Variants in LRRC69 observed in about 807,000 individuals in gnomAD.
The protein encoded by LRRC69 is leucine rich repeat containing 69, also known as leucine-rich repeat-containing protein 69.
A neutral mutation model predicts 37.8 loss-of-function variants in LRRC69; 42 were observed. That is an observed-to-expected ratio of 1.11 (90% CI 0.87 to 1.44). The LOEUF is 1.44. LRRC69 is among the 40% of genes most tolerant of loss of function. The probability of loss-of-function intolerance (pLI) is 0.00; values close to 1 mark genes in which losing one functional copy is unlikely to be tolerated. For missense variants in LRRC69, 357 were observed against 401.9 expected (o/e 0.89, Z 0.96); for synonymous variants, 141 against 143.1 (o/e 0.99, Z 0.11).
intron 5 of LRRC69, among the ~76,000 whole-genome samples, chr8:91,167,760 T>C (rs1269475267): frequency 6.6e-6 from 1 of 151,938 alleles, no homozygotes; most frequent in Non-Finnish European, 1.5e-5. Context: ...CTGGCTCTTC[T>C]GTGTTGGTGC....
intron 7 of LRRC69, among the ~76,000 whole-genome samples, chr8:91,207,193 C>G (rs1411172319): frequency 6.6e-6 from 1 of 152,182 alleles, no homozygotes; most frequent in Non-Finnish European, 1.5e-5. Flanking sequence ...ATGTCCAGCC[C>G]TACCACTTGC....
At chr8:91,180,647 A>G (rs986638069) in intron 5 of LRRC69, among the ~76,000 whole-genome samples, 6 of 152,166 alleles carry the variant, frequency 3.9e-5, no homozygotes, top group African/African-American at 1.2e-4. Flanking sequence ...GTACTCTATC[A>G]TTATTTTCTT....
At chr8:91,161,846 C>G (rs2130566226) in intron 5 of LRRC69, among the ~76,000 whole-genome samples, 1 of 151,210 alleles carries the variant, frequency 6.6e-6, no homozygotes, top group African/African-American at 2.4e-5. Flanking sequence ...GGTGCATTGT[C>G]AGATTGTTTA....
At chr8:91,209,427 AAC>A (rs1214087015) in intron 7 of LRRC69, 1 of 141,042 alleles carries the variant, frequency 7.1e-6, no homozygotes, top group Non-Finnish European at 1.5e-5. Context: ...ACAAGAGTGA[AAC>A]TATGTCTCAA....
intron 5 of LRRC69, among the ~76,000 whole-genome samples, chr8:91,179,839 T>G (rs1316200062): frequency 6.6e-6 from 1 of 152,168 alleles, no homozygotes; most frequent in Non-Finnish European, 1.5e-5. Flanking sequence ...CATGGTCTTG[T>G]AAAAAGTTAC....
intron 1 of LRRC69, among the ~76,000 whole-genome samples, chr8:91,116,062 T>C (rs1813505532): frequency 6.6e-6 from 1 of 151,986 alleles, no homozygotes; most frequent in Admixed American, 6.6e-5. Context: ...TTTGAAAAAA[T>C]GAGTTAGAAA....
At chr8:91,183,976 AG>A (rs1809364793) in intron 5 of LRRC69, among the ~76,000 whole-genome samples, 1 of 152,098 alleles carries the variant, frequency 6.6e-6, no homozygotes, top group African/African-American at 2.4e-5. Flanking sequence ...AACATAGAAA[AG>A]GGTTTCTTAA....
intron 1 of LRRC69, among the ~76,000 whole-genome samples, chr8:91,103,110 T>G (rs1309191070): frequency 6.6e-6 from 1 of 152,152 alleles, no homozygotes; most frequent in Non-Finnish European, 1.5e-5. Context: ...CACACTCATC[T>G]TTTTAGAGGC....
At chr8:91,145,612 T>C (rs567598766) in intron 5 of LRRC69, among the ~76,000 whole-genome samples, 5 of 151,960 alleles carry the variant, frequency 3.3e-5, no homozygotes, top group African/African-American at 1.2e-4. Flanking sequence ...TAAAACAACA[T>C]TCACTGACCT....
chr8:91,145,993 G>A (rs889424214), intron 5 of LRRC69, among the ~76,000 whole-genome samples: 1 of 151,552 alleles, frequency 6.6e-6, no homozygotes, highest in Non-Finnish European at 1.5e-5. Flanking sequence ...ATTAAGTTAG[G>A]GAATACAACT....
intron 5 of LRRC69, among the ~76,000 whole-genome samples, chr8:91,152,206 G>C (rs4329236): frequency 0.67 from 102,100 of 151,318 alleles, 34,919 homozygotes; most frequent in Middle Eastern, 0.74. Context: ...ATATCTTTGC[G>C]CATGCCTATT....
intron 6 of LRRC69, among the ~76,000 whole-genome samples, chr8:91,196,531 G>T (rs1809604335): frequency 6.6e-6 from 1 of 151,928 alleles, no homozygotes; most frequent in South Asian, 2.1e-4. Context: ...TTTCTTGGAG[G>T]GTTTGCTCAT....
chr8:91,123,718 G>A (rs1252180964), intron 1 of LRRC69, among the ~76,000 whole-genome samples: 1 of 151,924 alleles, frequency 6.6e-6, no homozygotes, highest in Non-Finnish European at 1.5e-5. Flanking sequence ...TAGGAGTAAA[G>A]TAAAAGACTC....
chr8:91,112,066 A>G (rs1813417929), intron 1 of LRRC69, among the ~76,000 whole-genome samples: 1 of 151,966 alleles, frequency 6.6e-6, no homozygotes, highest in African/African-American at 2.4e-5. Flanking sequence ...GAACCAAGAT[A>G]TTGTTAGTAT....
chr8:91,118,918 G>A (rs1017806926), intron 1 of LRRC69, among the ~76,000 whole-genome samples: 1 of 152,066 alleles, frequency 6.6e-6, no homozygotes, highest in African/African-American at 2.4e-5. Context: ...TACATCAAGT[G>A]TCATCTTCTC....
At chr8:91,110,877 C>T (rs1311843274) in intron 1 of LRRC69, among the ~76,000 whole-genome samples, 3 of 151,954 alleles carry the variant, frequency 2.0e-5, no homozygotes, top group East Asian at 1.9e-4. Flanking sequence ...AAGCATGCAG[C>T]TCATTAGAAG....
chr8:91,126,999 G>C (rs1005821330), intron 2 of LRRC69, 89 bp from the exon 3 acceptor site: 1 of 1,002,666 alleles, frequency 1.0e-6, no homozygotes, highest in African/African-American at 1.6e-5. Flanking sequence ...GCAAGAACCA[G>C]AAGGAAAACA....
At chr8:91,153,412 T>G (rs1363207792) in intron 5 of LRRC69, among the ~76,000 whole-genome samples, 1 of 150,786 alleles carries the variant, frequency 6.6e-6, no homozygotes, top group African/African-American at 2.4e-5. Flanking sequence ...GAATATACAG[T>G]CTTCTCAGTG....
rs181730496 is a variant in LRRC69, at chr8:91,158,433, A to G, written c.651+22694A>G. Reference sequence around the variant, plus strand: ...AACAAAGATGATGAGGAATTCATAGAAAGCAATAAAATGCATGCTGTTAAT... The same window carrying G: ...AACAAAGATGATGAGGAATTCATAGGAAGCAATAAAATGCATGCTGTTAAT... On this transcript the variant is annotated intron_variant, in intron 5 of 7. Coordinates refer to ENST00000448384, the Ensembl canonical transcript of LRRC69. 197 of 1,358,012 alleles carry G rather than the reference A, an allele frequency of 1.5e-4. 2 individuals are homozygous for G. The Middle Eastern group carries it at 1.8e-3, about 13-fold the overall frequency. The allele number at this position is 1,358,012 out of a possible 1,614,324, so 84.1% of individuals were successfully genotyped here.
Sources: gnomAD v4.1 joint callset for allele counts (sites outside exome capture counted in the v4.1 genomes callset) on GRCh38, gnomAD v4.1.1 for gene constraint, MANE v1.5 for transcripts, NCBI Gene and HGNC (gene_info 2026-07-23, HGNC 2026-07-21) for gene names.